Variants in NALCN observed in about 807,000 individuals in gnomAD.
NALCN encodes sodium leak channel, non-selective, also known as sodium leak channel NALCN.
A neutral mutation model predicts 225.3 loss-of-function variants in NALCN; 111 were observed. The observed-to-expected ratio is 0.49, with a 90% CI of 0.42 to 0.58. The LOEUF (loss-of-function observed/expected upper bound fraction) is 0.58, where lower values mean the gene tolerates loss of function less well. NALCN is among the 20% of genes least tolerant of loss of function. The probability of loss-of-function intolerance (pLI) is 0.00; values close to 1 mark genes in which losing one functional copy is unlikely to be tolerated. For missense variants in NALCN, 1,378 were observed against 2,202.4 expected (o/e 0.63, Z 7.49); for synonymous variants, 764 against 769.0 (o/e 0.99, Z 0.11).
intron 9 of NALCN, among the ~76,000 whole-genome samples, chr13:101,287,812 G>A (rs775241867): frequency 5.9e-5 from 9 of 152,112 alleles, no homozygotes; most frequent in Non-Finnish European, 1.2e-4. Flanking sequence ...AAATGCTTCT[G>A]GGATTGTTCC....
At chr13:101,119,172 T>G (rs910943174) in intron 18 of NALCN, among the ~76,000 whole-genome samples, 4 of 152,198 alleles carry the variant, frequency 2.6e-5, no homozygotes, top group Admixed American at 2.0e-4. Context: ...GTCATTTACA[T>G]AATTGCAGAT....
chr13:101,122,755 A>C (rs1397245315), intron 18 of NALCN, among the ~76,000 whole-genome samples: 2 of 152,216 alleles, frequency 1.3e-5, no homozygotes, highest in Non-Finnish European at 2.9e-5. Context: ...ATCTGTCAGA[A>C]AAAGTCTGGC....
intron 9 of NALCN, among the ~76,000 whole-genome samples, chr13:101,289,164 G>A (rs2043453488): frequency 6.6e-6 from 1 of 152,142 alleles, no homozygotes; most frequent in Non-Finnish European, 1.5e-5. Flanking sequence ...CTGAGCACAA[G>A]GCAATAGTTA....
At chr13:101,262,610 G>C (rs1005078058) in intron 10 of NALCN, among the ~76,000 whole-genome samples, 1 of 152,202 alleles carries the variant, frequency 6.6e-6, no homozygotes, top group Non-Finnish European at 1.5e-5. Flanking sequence ...GCAGCTCAAA[G>C]AGCTATTTTC....
chr13:101,291,430 G>C (rs1011201423), intron 9 of NALCN, among the ~76,000 whole-genome samples: 2 of 152,124 alleles, frequency 1.3e-5, no homozygotes, highest in African/African-American at 4.8e-5. Flanking sequence ...TGACGATCTT[G>C]GTTTTGTATC....
Position 101,054,239 on chromosome 13 carries a change from G to A in NALCN, c.*1056C>T, listed in dbSNP as rs932433715. 1.3e-5 allele frequency: 2 copies of A among 152,142 alleles called. No individual in the cohort carries two copies. The highest frequency in any genetic ancestry group is 4.8e-5 in the African/African-American group (2 of 41,420). The allele number at this position is 152,142 out of a possible 1,614,324, so 9.4% of individuals were successfully genotyped here. On this transcript the variant is annotated 3_prime_UTR_variant, in exon 44 of 44. Transcript: ENST00000251127. ...AGGAAAAAAAACAAAAACAAAAAAC[G>A]ATTAAGTAAGTTGTGTGATCCCTAA... is the stretch of plus-strand genomic sequence containing the variant.
Position 101,104,787 on chromosome 13 carries a change from G to C in NALCN, c.2636+107C>G, listed in dbSNP as rs139644648. On this transcript the variant is annotated intron_variant, in intron 23 of 43. Transcript: ENST00000251127. This position sits in a 1 kb window ranked among gnomAD's most constrained non-coding sequence, Gnocchi z 4.2. ...TCATTCCCCAATCATCTATTTCATAGCACTATATAGCAAGAAAATAAAAGA... is the reference window on the plus strand; with the variant it reads ...TCATTCCCCAATCATCTATTTCATACCACTATATAGCAAGAAAATAAAAGA... The C allele has an allele frequency of 1.9e-6, 3 of 1,539,266 alleles. No homozygotes were observed. In the African/African-American group the frequency reaches 4.1e-5, roughly 21 times the overall value.
chr13:101,345,781 G>C (rs1449525256), intron 6 of NALCN, among the ~76,000 whole-genome samples: 4 of 116,740 alleles, frequency 3.4e-5, no homozygotes, highest in African/African-American at 1.4e-4. Flanking sequence ...TTTAGAGAGG[G>C]AGAGAGAGAG....
chr13:101,246,270 G>C (rs2041893843), intron 11 of NALCN, among the ~76,000 whole-genome samples: 1 of 152,104 alleles, frequency 6.6e-6, no homozygotes, highest in African/African-American at 2.4e-5. Context: ...TGAGTGGAAA[G>C]ATATTTGAAA....
At chr13:101,203,377 G>A (rs2040200462) in intron 13 of NALCN, among the ~76,000 whole-genome samples, 1 of 152,066 alleles carries the variant, frequency 6.6e-6, no homozygotes, top group African/African-American at 2.4e-5. Context: ...CACCACACCT[G>A]GCTGACTTTT....
At chr13:101,079,486 A>T (rs1266336508) in intron 34 of NALCN, among the ~76,000 whole-genome samples, 2 of 152,188 alleles carry the variant, frequency 1.3e-5, no homozygotes, top group Non-Finnish European at 2.9e-5. Flanking sequence ...CTTATCCTAC[A>T]GATGGAGCCA....
chr13:101,153,017 C>T (rs549018257), intron 15 of NALCN, among the ~76,000 whole-genome samples: 1 of 152,126 alleles, frequency 6.6e-6, no homozygotes, highest in African/African-American at 2.4e-5. Context: ...CACACTTACA[C>T]ACACACAAAC....
chr13:101,119,708 C>T (rs967229107), intron 18 of NALCN, among the ~76,000 whole-genome samples: 2 of 152,150 alleles, frequency 1.3e-5, no homozygotes, highest in African/African-American at 2.4e-5. Flanking sequence ...AAGGTCACTG[C>T]CTTTTGAAAA....
intron 13 of NALCN, among the ~76,000 whole-genome samples, chr13:101,203,247 C>T (rs1484640179): frequency 1.3e-5 from 2 of 152,168 alleles, no homozygotes; most frequent in Non-Finnish European, 2.9e-5. Context: ...CAGAGTTTCG[C>T]TCTTGTCGCC....
At chr13:101,383,355 T>C (rs1167809233) in intron 3 of NALCN, among the ~76,000 whole-genome samples, 3 of 152,280 alleles carry the variant, frequency 2.0e-5, no homozygotes, top group Middle Eastern at 3.4e-3. Context: ...ATGGTGAAGT[T>C]TGAGTTTCCT....
At position 101,073,528 on chromosome 13, in the gene NALCN, C is replaced by T. The variant is rs640080; in HGVS notation, c.4197+56G>A. 13,660 of 1,420,548 alleles carry T rather than the reference C, an allele frequency of 9.6e-3. 992 individuals carry two copies. In the African/African-American group the frequency reaches 0.16, roughly 17 times the overall value. The allele number at this position is 1,420,548 out of a possible 1,614,324, so 88.0% of individuals were successfully genotyped here. On this transcript the variant is annotated intron_variant, in intron 37 of 43. Transcript: ENST00000251127. ...GGATGATCCTGCCAACATTGTGTTG[C>T]AAGAGTTTCATGCTGATTCTAAGTC...
intron 37 of NALCN, among the ~76,000 whole-genome samples, chr13:101,070,736 C>T (rs539271356): frequency 2.0e-5 from 3 of 152,154 alleles, no homozygotes; most frequent in Non-Finnish European, 4.4e-5. Context: ...TTCTGTCATC[C>T]AGGCTTTGTT....
At chr13:101,332,397 CAAAAAAAAAAAA>C (rs753158247) in intron 7 of NALCN, among the ~76,000 whole-genome samples, 7 of 57,834 alleles carry the variant, frequency 1.2e-4, no homozygotes, top group African/African-American at 3.0e-4. Context: ...TTCACAAAGC[CAAAAAAAAAAAA>C]AAAAAAAAAA....
In NALCN at chr13:101,130,778, A is replaced by T. The variant is rs114664188; in HGVS notation, c.2119-6097T>A. On this transcript the variant is annotated intron_variant, in intron 17 of 43. Transcript: ENST00000251127. ...TATTTGGGCTAGATAATATATTTTT[A>T]AAAAATTTAAAGACCTGTCATTTGT... 9.3e-3 allele frequency among the ~76,000 whole-genome samples: 1,415 copies of T among 152,294 alleles called. 22 individuals are homozygous for T. The highest frequency in any genetic ancestry group is 0.033 in the African/African-American group (1,354 of 41,578).
Sources: gnomAD v4.1 joint callset for allele counts (sites outside exome capture counted in the v4.1 genomes callset) on GRCh38, gnomAD v4.1.1 for gene constraint, Gnocchi (gnomAD v3.1) non-coding constraint, MANE v1.5 for transcripts, NCBI Gene and HGNC (gene_info 2026-07-23, HGNC 2026-07-21) for gene names.